Variants in RILPL1 observed in about 807,000 individuals in gnomAD.
The protein encoded by RILPL1 is Rab interacting lysosomal protein like 1.
In RILPL1, 33 loss-of-function variants were observed where a neutral mutation model predicts 50.3. The observed-to-expected ratio is 0.66, with a 90% confidence interval of 0.50 to 0.88. The LOEUF (loss-of-function observed/expected upper bound fraction) is 0.88, where lower values mean the gene tolerates loss of function less well. Among genes scored for constraint, RILPL1 ranks in the 40% least tolerant of loss-of-function variants. The pLI is 0.00. For synonymous variants in RILPL1, 205 were observed against 228.6 expected (o/e 0.90, Z 0.93); for missense variants, 418 against 542.5 (o/e 0.77, Z 2.28).
intron 4 of RILPL1, among the ~76,000 whole-genome samples, chr12:123,490,155 C>T (rs775364695): frequency 6.6e-6 from 1 of 152,086 alleles, no homozygotes; most frequent in Non-Finnish European, 1.5e-5. Flanking sequence ...TCCTGCCTTT[C>T]ATAGCAGGTC....
At chr12:123,529,597 A>G in intron 1 of RILPL1, among the ~76,000 whole-genome samples, 1 of 147,344 alleles carries the variant, frequency 6.8e-6, no homozygotes, top group East Asian at 2.0e-4. Flanking sequence ...TTTTTTTTTT[A>G]ATCTATCCTG....
rs202153770 is a variant in RILPL1 at position 123,498,661 on chromosome 12, C to T, written c.684G>A (p.Glu228=). 5.4e-5 allele frequency: 87 copies of T among 1,613,856 alleles called. 1 individual carries two copies. The African/African-American group carries it at 5.5e-4, about 10-fold the overall frequency. The change falls in exon 4 of 7, where the codon GAG becomes GAA. Residue 228 remains glutamate, a synonymous_variant. Coordinates refer to ENST00000376874, the MANE Select transcript of RILPL1 (RefSeq NM_178314.5). The surrounding 1 kb of genome is among the most constrained non-coding windows in gnomAD (Gnocchi z 4.3). ...CCTTGGTCTGCAGGTCTGCCTCCAG[C>T]TCCACCTTCTGTTCGATCAGGGCTT... ...QGKALIEQKV[E]LEADLQTKEQ...
At chr12:123,493,133 C>T (rs1019595282) in intron 4 of RILPL1, among the ~76,000 whole-genome samples, 3 of 152,126 alleles carry the variant, frequency 2.0e-5, no homozygotes, top group Admixed American at 2.0e-4. Context: ...TGGAATGTCT[C>T]GGTATAAAAC....
intron 1 of RILPL1, among the ~76,000 whole-genome samples, chr12:123,524,733 A>T (rs1885189339): frequency 6.6e-6 from 1 of 152,216 alleles, no homozygotes; most frequent in African/African-American, 2.4e-5. Context: ...ATCCATAGAG[A>T]TAGGAAGCAG....
At chr12:123,515,307 A>C (rs1165245352) in intron 2 of RILPL1, 1 of 152,102 alleles carries the variant, frequency 6.6e-6, no homozygotes, top group Non-Finnish European at 1.5e-5. Flanking sequence ...AAAACAAAAT[A>C]AACAAATTTG....
chr12:123,500,917 C>T (rs1010239217), intron 2 of RILPL1, among the ~76,000 whole-genome samples: 14 of 150,604 alleles, frequency 9.3e-5, no homozygotes, highest in Non-Finnish European at 1.8e-4. Flanking sequence ...CCAGCCTGGC[C>T]GACATGGTGA....
At chr12:123,475,896 AATTTTTTTT>A in intron 6 of RILPL1, 3 of 505,004 alleles carry the variant, frequency 5.9e-6, no homozygotes, top group South Asian at 2.4e-5. Flanking sequence ...ATTCACTTAA[AATTTTTTTT>A]TTTTTTTTTT....
At chr12:123,478,723 C>T (rs1881764914) in intron 6 of RILPL1, among the ~76,000 whole-genome samples, 1 of 152,148 alleles carries the variant, frequency 6.6e-6, no homozygotes, top group African/African-American at 2.4e-5. Context: ...CCCTCTATAC[C>T]CACCTGTCTT....
intron 4 of RILPL1, among the ~76,000 whole-genome samples, chr12:123,486,110 C>A (rs1484920407): frequency 6.6e-6 from 1 of 152,194 alleles, no homozygotes; most frequent in Non-Finnish European, 1.5e-5. Flanking sequence ...AGCTGTCACA[C>A]CTCCCCTGCC....
At chr12:123,509,613 T>G (rs1195756938) in intron 2 of RILPL1, among the ~76,000 whole-genome samples, 2 of 150,184 alleles carry the variant, frequency 1.3e-5, no homozygotes, top group Admixed American at 1.3e-4. Flanking sequence ...GCCACGTGGA[T>G]GAACCCTGAA....
intron 2 of RILPL1, among the ~76,000 whole-genome samples, chr12:123,517,243 C>T (rs1041194736): frequency 3.3e-5 from 5 of 152,056 alleles, no homozygotes; most frequent in Admixed American, 2.6e-4. Context: ...TGCTGAGAGG[C>T]GCTGGAGGGA....
At position 123,498,606 on chromosome 12, in the gene RILPL1, G is replaced by T; in HGVS notation, c.739C>A (p.Leu247Met). ...TGCAGCCTCTCTCGCAACTTCCCCAGCTCTGCTCGCAGGCTGCCCATCTCC... is the reference window on the plus strand; with the variant it reads ...TGCAGCCTCTCTCGCAACTTCCCCATCTCTGCTCGCAGGCTGCCCATCTCC... ...EQEMGSLRAE[L>M]GKLRERLQGE... Residue 247 changes from leucine to methionine, a missense_variant, in exon 4 of 7, where the codon CTG becomes ATG. Physicochemically the swap from Leu to Met is conservative, Grantham distance 15 (BLOSUM62 2). Transcript: ENST00000376874. This position sits in a 1 kb window ranked among gnomAD's most constrained non-coding sequence, Gnocchi z 4.3. 1.2e-6 allele frequency: 2 copies of T among 1,613,656 alleles called. 1 individual carries two copies. Among genetic ancestry groups the T allele is most frequent in the African/African-American group, 2.7e-5 (2 of 75,002 alleles).
rs1320174026 is a variant in RILPL1 at position 123,491,173 on chromosome 12, G to A, written c.802-5368C>T. ...AGCCCAGGACTATCCGGTTCAGACT[G>A]GGAGGGACCAAGGAGGCTCTTTCCA... On this transcript the variant is annotated intron_variant, in intron 4 of 6. Coordinates refer to ENST00000376874, the MANE Select transcript of RILPL1 (RefSeq NM_178314.5). The surrounding 1 kb of genome is among the most constrained non-coding windows in gnomAD (Gnocchi z 4.0). Among the ~76,000 whole-genome samples the A allele has an allele frequency of 6.6e-6, 1 of 152,208 alleles. No individual in the cohort carries two copies. The highest frequency in any genetic ancestry group is 1.5e-5 in the Non-Finnish European group (1 of 68,038).
At chr12:123,478,736 T>C (rs1026513755) in intron 6 of RILPL1, among the ~76,000 whole-genome samples, 2 of 152,212 alleles carry the variant, frequency 1.3e-5, no homozygotes, top group Non-Finnish European at 2.9e-5. Flanking sequence ...CCTGTCTTCT[T>C]ATCTCCTGAT....
chr12:123,516,850 C>G (rs1378016986), intron 2 of RILPL1, among the ~76,000 whole-genome samples: 2 of 152,100 alleles, frequency 1.3e-5, no homozygotes, highest in Admixed American at 6.6e-5. Flanking sequence ...CACTTGAGCC[C>G]AGGAGCTTGA....
chr12:123,502,458 T>G (rs1295588477), intron 2 of RILPL1, among the ~76,000 whole-genome samples: 1 of 152,252 alleles, frequency 6.6e-6, no homozygotes, highest in Non-Finnish European at 1.5e-5. Flanking sequence ...TTGTCAGGGT[T>G]TTGGGTAACA....
chr12:123,507,710 G>C (rs955558928), intron 2 of RILPL1, among the ~76,000 whole-genome samples: 1 of 152,054 alleles, frequency 6.6e-6, no homozygotes, highest in Non-Finnish European at 1.5e-5. Flanking sequence ...GGAAGGCCGG[G>C]GTGGGTGGAT....
chr12:123,512,311 T>A, intron 2 of RILPL1, among the ~76,000 whole-genome samples: 1 of 79,474 alleles, frequency 1.3e-5, no homozygotes, highest in East Asian at 4.5e-4. Context: ...GGTCTGTGTG[T>A]GGTGTCAATG....
Position 123,529,718 on chromosome 12 carries a change from G to T in RILPL1, c.309+3456C>A, listed in dbSNP as rs116837176. Among the ~76,000 whole-genome samples, 248 of 151,696 alleles carry T rather than the reference G, an allele frequency of 1.6e-3. 2 individuals carry two copies. The highest frequency in any genetic ancestry group is 5.9e-3 in the African/African-American group (243 of 41,372). ...AGCCTGGGCAACATAGTGACACCTT[G>T]TCTCTAAAGGAAAAAAAAATTACAG... On this transcript the variant is annotated intron_variant, in intron 1 of 6. Transcript: ENST00000376874.
Sources: gnomAD v4.1 joint callset for allele counts (sites outside exome capture counted in the v4.1 genomes callset) on GRCh38, gnomAD v4.1.1 for gene constraint, Gnocchi (gnomAD v3.1) non-coding constraint, MANE v1.5 for transcripts, NCBI Gene and HGNC (gene_info 2026-07-23, HGNC 2026-07-21) for gene names.